Variants in TACR1 observed in about 807,000 individuals in gnomAD.
TACR1 encodes the protein substance-P receptor.
TACR1 carries 25 observed loss-of-function variants against 35.8 expected under a neutral mutation model. That is an observed-to-expected ratio of 0.70 (90% CI 0.51 to 0.98). TACR1 has a LOEUF of 0.98. TACR1 is among the 50% of genes least tolerant of loss of function. TACR1 has a pLI of 0.00. For missense variants in TACR1, 478 were observed against 522.9 expected, an observed-to-expected ratio of 0.91 and a Z score of 0.84; for synonymous variants, 195 against 206.7, an observed-to-expected ratio of 0.94 and a Z score of 0.48.
intron 1 of TACR1, among the ~76,000 whole-genome samples, chr2:75,143,892 G>T (rs1402646763): frequency 6.6e-6 from 1 of 152,168 alleles, no homozygotes; most frequent in Non-Finnish European, 1.5e-5. Flanking sequence ...TGAAGGAAAA[G>T]TTGATTCAGG....
intron 2 of TACR1, among the ~76,000 whole-genome samples, chr2:75,100,519 A>G (rs1673516379): frequency 1.3e-5 from 2 of 152,156 alleles, no homozygotes; most frequent in African/African-American, 4.8e-5. Flanking sequence ...TCAGCTGATT[A>G]CTATCTTGGT....
At chr2:75,140,811 G>A (rs1359590970) in intron 1 of TACR1, among the ~76,000 whole-genome samples, 1 of 152,136 alleles carries the variant, frequency 6.6e-6, no homozygotes, top group Non-Finnish European at 1.5e-5. Context: ...GAAGACTCAG[G>A]TATCACTTGA....
At chr2:75,128,598 CAG>C (rs927825948) in intron 1 of TACR1, among the ~76,000 whole-genome samples, 8 of 152,118 alleles carry the variant, frequency 5.3e-5, no homozygotes, top group African/African-American at 1.9e-4. Flanking sequence ...TGCTACCCCT[CAG>C]GGGTGGGACT....
intron 1 of TACR1, among the ~76,000 whole-genome samples, chr2:75,138,785 A>G (rs1185060986): frequency 1.2e-5 from 1 of 84,528 alleles, no homozygotes; most frequent in African/African-American, 5.5e-5. Context: ...TCATTCATTC[A>G]TTCAAATACT....
At chr2:75,056,355 T>C (rs1027303421) in intron 2 of TACR1, among the ~76,000 whole-genome samples, 1 of 152,182 alleles carries the variant, frequency 6.6e-6, no homozygotes, top group African/African-American at 2.4e-5. Flanking sequence ...TTTCTTGGGC[T>C]CTTACAGGGT....
intron 1 of TACR1, among the ~76,000 whole-genome samples, chr2:75,175,704 A>T (rs1348708097): frequency 6.6e-6 from 1 of 152,142 alleles, no homozygotes; most frequent in African/African-American, 2.4e-5. Flanking sequence ...CCCACCCAGA[A>T]TGCCCAGGGA....
chr2:75,183,045 A>C (rs193053336), intron 1 of TACR1, among the ~76,000 whole-genome samples: 9 of 152,326 alleles, frequency 5.9e-5, no homozygotes, highest in Admixed American at 5.9e-4. Context: ...GTATCCCTGA[A>C]TCTCAGGTAT....
chr2:75,070,792 C>T (rs1344770947), intron 2 of TACR1, among the ~76,000 whole-genome samples: 1 of 152,200 alleles, frequency 6.6e-6, no homozygotes, highest in Admixed American at 6.5e-5. Flanking sequence ...AGCCATGCAT[C>T]TGGTGAGTGG....
chr2:75,123,277 GGT>G lies in TACR1; in HGVS notation c.390-2511_390-2510del, dbSNP rs1335001349. Among the ~76,000 whole-genome samples, 4 of 152,246 alleles carry G rather than the reference GGT, an allele frequency of 2.6e-5. No individual in the cohort carries two copies. The East Asian group carries it at 7.7e-4, about 29-fold the overall frequency. On this transcript the variant is annotated intron_variant, in intron 1 of 4. Coordinates refer to ENST00000305249, the MANE Select transcript of TACR1 (RefSeq NM_001058.4). Reference sequence around the variant, plus strand: ...GAGGAGGATGCTCAGGGGAGAATGTGGTAATTACATTGCCCTCTTTTAATATT... The same window carrying G: ...GAGGAGGATGCTCAGGGGAGAATGTGAATTACATTGCCCTCTTTTAATATT...
chr2:75,084,975 G>A (rs1007353939), intron 2 of TACR1, among the ~76,000 whole-genome samples: 10 of 152,072 alleles, frequency 6.6e-5, no homozygotes, highest in African/African-American at 2.4e-4. Context: ...GCTAGCTTTT[G>A]AATGTGTTTG....
At position 75,079,541 on chromosome 2, in the gene TACR1, A is replaced by G. The variant is rs148585513; in HGVS notation, c.585-25786T>C. ...TTCCCTCCTAATGTAACCCTACACCAGTGGTACCCAGTGCTATCTCCAGGC... is the reference window on the plus strand; with the variant it reads ...TTCCCTCCTAATGTAACCCTACACCGGTGGTACCCAGTGCTATCTCCAGGC... On this transcript the variant is annotated intron_variant, in intron 2 of 4. Transcript: ENST00000305249. 1.4e-3 allele frequency among the ~76,000 whole-genome samples: 215 copies of G among 152,258 alleles called. 1 individual carries two copies. The highest frequency in any genetic ancestry group is 2.1e-3 in the Non-Finnish European group (142 of 68,002).
At chr2:75,168,519 T>C (rs1483859082) in intron 1 of TACR1, among the ~76,000 whole-genome samples, 1 of 152,182 alleles carries the variant, frequency 6.6e-6, no homozygotes, top group African/African-American at 2.4e-5. Context: ...AGCCAAGGAA[T>C]GCCTTTGGCC....
At chr2:75,113,999 C>T (rs114394565) in intron 2 of TACR1, among the ~76,000 whole-genome samples, 2,061 of 152,036 alleles carry the variant, frequency 0.014, 14 homozygotes, top group Middle Eastern at 0.034. Flanking sequence ...ATAAAAATTT[C>T]GGCTGATTTT....
At chr2:75,129,427 C>G (rs975707393) in intron 1 of TACR1, among the ~76,000 whole-genome samples, 1 of 152,116 alleles carries the variant, frequency 6.6e-6, no homozygotes, top group Non-Finnish European at 1.5e-5. Context: ...TGAACAACAT[C>G]AAAGATGCAT....
At chr2:75,117,802 G>C (rs1267255065) in intron 2 of TACR1, among the ~76,000 whole-genome samples, 3 of 152,152 alleles carry the variant, frequency 2.0e-5, no homozygotes, top group Non-Finnish European at 4.4e-5. Flanking sequence ...ATAAAGTGTT[G>C]ACTATCTCAT....
intron 2 of TACR1, among the ~76,000 whole-genome samples, chr2:75,092,866 C>G (rs1174941066): frequency 6.6e-6 from 1 of 152,154 alleles, no homozygotes; most frequent in East Asian, 1.9e-4. Context: ...CTAGACCAAT[C>G]TCACTGATCA....
At chr2:75,129,535 T>C (rs546248166) in intron 1 of TACR1, among the ~76,000 whole-genome samples, 37 of 152,372 alleles carry the variant, frequency 2.4e-4, no homozygotes, top group Admixed American at 4.6e-4. Context: ...GTGATGGATA[T>C]GCTAATTACC....
chr2:75,143,338 C>G (rs1674446308), intron 1 of TACR1, among the ~76,000 whole-genome samples: 1 of 152,198 alleles, frequency 6.6e-6, no homozygotes, highest in Admixed American at 6.5e-5. Flanking sequence ...TTTAGAACTT[C>G]TGGAACAAGA....
intron 1 of TACR1, among the ~76,000 whole-genome samples, chr2:75,127,501 C>A (rs1238973723): frequency 6.6e-6 from 1 of 152,190 alleles, no homozygotes; most frequent in East Asian, 1.9e-4. Context: ...CATCAGTGGA[C>A]CCACTTCAAA....
Sources: allele counts gnomAD v4.1 joint callset (sites outside exome capture counted in the v4.1 genomes callset), GRCh38; gene constraint gnomAD v4.1.1; transcripts MANE v1.5; gene names NCBI Gene and HGNC (gene_info 2026-07-23, HGNC 2026-07-21).